The following MRPS27 variants were observed in gnomAD, a reference collection of about 807,000 sequenced individuals.
MRPS27 encodes the protein small ribosomal subunit protein mS27.
MRPS27 carries 43 observed loss-of-function variants against 48.9 expected under a neutral mutation model. That is an observed-to-expected ratio of 0.88 (90% CI 0.69 to 1.13). The LOEUF (loss-of-function observed/expected upper bound fraction) is 1.13. Among genes scored for constraint, MRPS27 ranks in the 50% most tolerant of loss-of-function variants. The pLI, the probability that MRPS27 is intolerant of heterozygous loss-of-function variation, is 0.00. For missense variants in MRPS27, 467 were observed against 476.3 expected, an observed-to-expected ratio of 0.98 and a Z score of 0.18; for synonymous variants, 188 against 171.9, an observed-to-expected ratio of 1.09 and a Z score of -0.73.
intron 4 of MRPS27, among the ~76,000 whole-genome samples, chr5:72,247,415 CAAAGAT>C (rs1216180621): frequency 6.6e-6 from 1 of 152,148 alleles, no homozygotes; most frequent in East Asian, 1.9e-4. Flanking sequence ...AATAAAGACT[CAAAGAT>C]AAACGAGCAA....
chr5:72,250,981 C>T (rs1028934965), intron 4 of MRPS27, among the ~76,000 whole-genome samples: 2 of 152,150 alleles, frequency 1.3e-5, no homozygotes, highest in Non-Finnish European at 2.9e-5. Context: ...TCTGGTAAAA[C>T]TCTAGATTGA....
chr5:72,247,736 A>G (rs1218768926), intron 4 of MRPS27, among the ~76,000 whole-genome samples: 1 of 152,238 alleles, frequency 6.6e-6, no homozygotes, highest in Non-Finnish European at 1.5e-5. Flanking sequence ...TATCTAAGAA[A>G]GTCATCCAAA....
In MRPS27 at chr5:72,297,615, T is replaced by G. The variant is rs772047808; in HGVS notation, c.222+17A>C. ...CTTCCTTGTTCTTGGAAAATATATA[T>G]GTTAAAATTTTCTTACCCGTGATAT... On this transcript the variant is annotated intron_variant, in intron 3 of 10. Coordinates refer to ENST00000261413, the MANE Select transcript of MRPS27 (RefSeq NM_015084.3). 1 of 1,498,408 alleles carries G rather than the reference T, an allele frequency of 6.7e-7. No individual in the cohort carries two copies. The highest frequency in any genetic ancestry group is 9.2e-7 in the Non-Finnish European group (1 of 1,083,376). The allele number at this position is 1,498,408 out of a possible 1,614,324, so 92.8% of individuals were successfully genotyped here.
intron 4 of MRPS27, among the ~76,000 whole-genome samples, chr5:72,251,771 T>C (rs149973915): frequency 9.7e-4 from 147 of 152,314 alleles, no homozygotes; most frequent in Middle Eastern, 3.4e-3. Flanking sequence ...AGTAGTTATT[T>C]GTGTAGAACA....
chr5:72,292,603 T>C (rs1236029799), intron 4 of MRPS27, among the ~76,000 whole-genome samples: 1 of 152,214 alleles, frequency 6.6e-6, no homozygotes, highest in African/African-American at 2.4e-5. Flanking sequence ...TGGAACTGTT[T>C]ACTTGTGTGC....
intron 6 of MRPS27, among the ~76,000 whole-genome samples, chr5:72,232,962 T>C (rs1252854032): frequency 6.6e-6 from 1 of 152,116 alleles, no homozygotes; most frequent in Non-Finnish European, 1.5e-5. Flanking sequence ...GTCTACCAGC[T>C]AGAACAGCTA....
chr5:72,279,373 A>G (rs188119785), intron 4 of MRPS27, among the ~76,000 whole-genome samples: 1 of 152,242 alleles, frequency 6.6e-6, no homozygotes, highest in African/African-American at 2.4e-5. Context: ...TTTGTTAGCT[A>G]CATGCATTGC....
At chr5:72,246,471 C>A (rs923963981) in intron 4 of MRPS27, among the ~76,000 whole-genome samples, 3 of 152,052 alleles carry the variant, frequency 2.0e-5, no homozygotes, top group African/African-American at 7.2e-5. Flanking sequence ...GAGAGTGAAG[C>A]CGTTAAGTTG....
intron 8 of MRPS27, among the ~76,000 whole-genome samples, chr5:72,226,652 G>T (rs1747908159): frequency 6.6e-6 from 1 of 151,602 alleles, no homozygotes; most frequent in Admixed American, 6.6e-5. Context: ...TCCCTGCTAG[G>T]AAATGTCTGT....
intron 4 of MRPS27, among the ~76,000 whole-genome samples, chr5:72,254,461 C>A (rs1302702443): frequency 1.3e-5 from 2 of 152,134 alleles, no homozygotes; most frequent in South Asian, 4.2e-4. Context: ...ATAGCTACCC[C>A]CTTATTATCC....
intron 4 of MRPS27, among the ~76,000 whole-genome samples, chr5:72,287,509 ACTGC>A (rs1202652445): frequency 6.6e-6 from 1 of 152,016 alleles, no homozygotes; most frequent in Non-Finnish European, 1.5e-5. Context: ...CGTGGTGGCA[ACTGC>A]CTGTAATCCC....
intron 5 of MRPS27, 39 bp from the exon 6 acceptor site, chr5:72,234,236 A>T: frequency 7.2e-7 from 1 of 1,392,840 alleles, no homozygotes; most frequent in Non-Finnish European, 9.5e-7. Flanking sequence ...AAAAGAGAAA[A>T]TTATCTAATT....
intron 4 of MRPS27, among the ~76,000 whole-genome samples, chr5:72,246,130 A>T (rs1038605760): frequency 6.6e-6 from 1 of 152,222 alleles, no homozygotes; most frequent in Non-Finnish European, 1.5e-5. Flanking sequence ...TAGGTGCCTG[A>T]TAATTTGGCA....
intron 2 of MRPS27, among the ~76,000 whole-genome samples, chr5:72,298,834 C>G (rs970971453): frequency 1.3e-5 from 2 of 151,894 alleles, no homozygotes; most frequent in African/African-American, 4.8e-5. Flanking sequence ...TCGATGTTCA[C>G]CGCAGCACTA....
chr5:72,316,594 C>A (rs1229489823), intron 1 of MRPS27, among the ~76,000 whole-genome samples: 1 of 152,010 alleles, frequency 6.6e-6, no homozygotes, highest in Non-Finnish European at 1.5e-5. Context: ...GTCTCGAACT[C>A]CTACCTTAGG....
At chr5:72,233,240 C>T (rs542399953) in intron 6 of MRPS27, among the ~76,000 whole-genome samples, 20 of 152,170 alleles carry the variant, frequency 1.3e-4, no homozygotes, top group African/African-American at 4.3e-4. Context: ...GAGTATAACA[C>T]GTAACATAAA....
intron 4 of MRPS27, among the ~76,000 whole-genome samples, chr5:72,287,082 T>TAC (rs1749691270): frequency 6.6e-6 from 1 of 152,062 alleles, no homozygotes; most frequent in African/African-American, 2.4e-5. Flanking sequence ...TCAGTGGTGG[T>TAC]ATTAGATTCT....
Position 72,226,107 on chromosome 5 carries a change from T to C in MRPS27, c.787A>G (p.Met263Val), listed in dbSNP as rs1217021915. The C allele has an allele frequency of 8.7e-6, 14 of 1,613,810 alleles. No individual in the cohort carries two copies. Among genetic ancestry groups the C allele is most frequent in the Non-Finnish European group, 1.0e-5 (12 of 1,179,808 alleles). Residue 263 changes from methionine to valine, a missense_variant, in exon 9 of 11, where the codon ATG (methionine) becomes GTG (valine). Physicochemically the swap from Met to Val is conservative, Grantham distance 21 (BLOSUM62 1). Transcript: ENST00000261413. ...PGYLDRALQV[M>V]EKVAASPEDI... is the part of the protein sequence containing the mutation. Reference sequence around the variant, plus strand: ...TCTGGGGAGGCAGCCACTTTCTCCATCACTTGAAGGGCTCTGTCAAGGTAG... The same window carrying C: ...TCTGGGGAGGCAGCCACTTTCTCCACCACTTGAAGGGCTCTGTCAAGGTAG...
intron 10 of MRPS27, 137 bp downstream of exon 10, chr5:72,223,546 A>G: frequency 9.2e-7 from 1 of 1,086,904 alleles, no homozygotes; most frequent in Non-Finnish European, 1.3e-6. Flanking sequence ...GTGCAAAGCA[A>G]TAAAAATGTA....
Sources: allele counts gnomAD v4.1 joint callset (sites outside exome capture counted in the v4.1 genomes callset), GRCh38; gene constraint gnomAD v4.1.1; transcripts MANE v1.5; gene names NCBI Gene and HGNC (gene_info 2026-07-23, HGNC 2026-07-21).